Variants in FGGY observed in about 807,000 individuals in gnomAD.
FGGY encodes FGGY carbohydrate kinase domain containing.
In FGGY, 72 loss-of-function variants were observed where a neutral mutation model predicts 71.3. The ratio of observed to expected loss-of-function variants is 1.01; its 90% CI spans 0.84 to 1.23. FGGY has a LOEUF of 1.23. FGGY is among the 50% of genes most tolerant of loss of function. The pLI, the probability that FGGY is intolerant of heterozygous loss-of-function variation, is 0.00. For synonymous variants in FGGY, 251 were observed against 250.3 expected, an observed-to-expected ratio of 1.00 and a Z score of -0.02; for missense variants, 668 against 682.3, an observed-to-expected ratio of 0.98 and a Z score of 0.23.
Position 59,625,993 on chromosome 1 carries a change from C to T in FGGY, c.1017C>T (p.Asp339=). 6 of 1,604,404 alleles carry T rather than the reference C, an allele frequency of 3.7e-6. No homozygotes were observed. The highest frequency in any genetic ancestry group is 5.1e-6 in the Non-Finnish European group (6 of 1,174,876). Residue 339 remains aspartate, a synonymous_variant, in exon 10 of 16, where the codon GAC becomes GAT. Transcript: ENST00000303721. ...CCATGTCTCTTATTTTTCAGATAGA[C>T]CACATGGTACAAGGCCATGCTGCTT... ...GGQSVTGKLI[D]HMVQGHAAFP...
intron 2 of FGGY, among the ~76,000 whole-genome samples, chr1:59,330,715 C>T (rs1040462110): frequency 2.6e-5 from 4 of 152,168 alleles, no homozygotes; most frequent in South Asian, 2.1e-4. Flanking sequence ...TGGTCAGAAG[C>T]GCTGAGATGG....
intron 5 of FGGY, among the ~76,000 whole-genome samples, chr1:59,418,522 C>G (rs1050621689): frequency 6.6e-6 from 1 of 151,872 alleles, no homozygotes; most frequent in African/African-American, 2.4e-5. Flanking sequence ...GGGGCATAGG[C>G]GATGAGGCAA....
At chr1:59,453,832 A>C (rs558254764) in intron 5 of FGGY, among the ~76,000 whole-genome samples, 40 of 152,294 alleles carry the variant, frequency 2.6e-4, no homozygotes, top group Middle Eastern at 3.4e-3. Flanking sequence ...GTAAGGAATC[A>C]GAATCAGAGG....
chr1:59,709,436 AT>A (rs1381295067), intron 14 of FGGY, among the ~76,000 whole-genome samples: 2 of 150,834 alleles, frequency 1.3e-5, no homozygotes, highest in Admixed American at 1.3e-4. Context: ...TTGAGATGAG[AT>A]TTAGGTGGAG....
intron 13 of FGGY, 88 bp from the exon 14 acceptor site, chr1:59,673,951 A>T: frequency 9.6e-7 from 1 of 1,038,016 alleles, no homozygotes; most frequent in Non-Finnish European, 1.5e-6. Context: ...CCCTGATGTC[A>T]GGTGTTTTTG....
intron 7 of FGGY, among the ~76,000 whole-genome samples, chr1:59,518,650 T>TTTA (rs1369396623): frequency 6.6e-6 from 1 of 152,194 alleles, no homozygotes; most frequent in African/African-American, 2.4e-5. Flanking sequence ...GATCTGGTTG[T>TTTA]TTAATAGTGT....
At chr1:59,301,596 C>T (rs2042741302) in intron 1 of FGGY, among the ~76,000 whole-genome samples, 1 of 149,860 alleles carries the variant, frequency 6.7e-6, no homozygotes, top group Admixed American at 6.6e-5. Context: ...TGTAGATATG[C>T]TTTATTAGGT....
chr1:59,296,786 G>A (rs2042006910), upstream of FGGY: 1 of 153,174 alleles, frequency 6.5e-6, no homozygotes, highest in African/African-American at 2.4e-5. Flanking sequence ...GCGGGGGCGG[G>A]ATCGCGCGCA....
At chr1:59,539,673 A>C (rs2095409636) in intron 7 of FGGY, among the ~76,000 whole-genome samples, 1 of 152,236 alleles carries the variant, frequency 6.6e-6, no homozygotes, top group Non-Finnish European at 1.5e-5. Context: ...CAAGGTCTTC[A>C]TGACTTTGAG....
At chr1:59,683,954 C>T (rs1352863931) in intron 14 of FGGY, among the ~76,000 whole-genome samples, 1 of 152,192 alleles carries the variant, frequency 6.6e-6, no homozygotes, top group African/African-American at 2.4e-5. Context: ...TTTCTGCTCT[C>T]CTCTGCTGCT....
intron 6 of FGGY, among the ~76,000 whole-genome samples, chr1:59,459,117 C>T (rs1248630280): frequency 6.6e-6 from 1 of 152,184 alleles, no homozygotes; most frequent in Non-Finnish European, 1.5e-5. Context: ...TTAGCCAAGC[C>T]TTTACCAGGC....
chr1:59,316,334 G>T (rs954510344), intron 1 of FGGY: 4 of 152,122 alleles, frequency 2.6e-5, no homozygotes, highest in Non-Finnish European at 4.4e-5. Flanking sequence ...AATAGGGTAA[G>T]CTCATCCGCT....
At chr1:59,479,294 G>A (rs1253138709) in intron 6 of FGGY, among the ~76,000 whole-genome samples, 1 of 152,150 alleles carries the variant, frequency 6.6e-6, no homozygotes, top group East Asian at 1.9e-4. Flanking sequence ...GAGAGATGGG[G>A]TGGTCACTAG....
intron 5 of FGGY, among the ~76,000 whole-genome samples, chr1:59,400,815 A>G (rs2061861839): frequency 6.6e-6 from 1 of 152,032 alleles, no homozygotes. Context: ...TCTGTCACCC[A>G]GGCTCAAGTG....
At chr1:59,396,494 G>A (rs546788609) in intron 5 of FGGY, among the ~76,000 whole-genome samples, 4 of 152,250 alleles carry the variant, frequency 2.6e-5, no homozygotes, top group Admixed American at 2.0e-4. Flanking sequence ...CCCCTAACTG[G>A]TGAGTGAAGA....
intron 14 of FGGY, among the ~76,000 whole-genome samples, chr1:59,749,806 T>C (rs1008417): frequency 0.23 from 34,545 of 152,216 alleles, 4,374 homozygotes; most frequent in Non-Finnish European, 0.28. Flanking sequence ...CCCCATTTTC[T>C]GATGAGGCAA....
intron 14 of FGGY, among the ~76,000 whole-genome samples, chr1:59,674,812 G>T (rs1018298456): frequency 7.2e-5 from 11 of 152,178 alleles, no homozygotes; most frequent in African/African-American, 2.2e-4. Flanking sequence ...TTTGTGGAGA[G>T]GTTTTGAGTG....
At chr1:59,499,301 T>TTTTTTTTTTC (rs2094148566) in intron 6 of FGGY, among the ~76,000 whole-genome samples, 1 of 140,910 alleles carries the variant, frequency 7.1e-6, no homozygotes, top group African/African-American at 2.7e-5. Flanking sequence ...CTATGTTTGT[T>TTTTTTTTTTC]TTTTTTTTTT....
At chr1:59,332,612 C>T (rs1171055157) in intron 2 of FGGY, among the ~76,000 whole-genome samples, 1 of 152,164 alleles carries the variant, frequency 6.6e-6, no homozygotes, top group Admixed American at 6.5e-5. Context: ...CACAGTTACT[C>T]TTCCAGTTTC....
Sources: allele counts gnomAD v4.1 joint callset (sites outside exome capture counted in the v4.1 genomes callset), GRCh38; gene constraint gnomAD v4.1.1; transcripts MANE v1.5; gene names NCBI Gene and HGNC (gene_info 2026-07-23, HGNC 2026-07-21).